FEZ1: variants seen among roughly 807,000 people sequenced by gnomAD.
The protein encoded by FEZ1 is fasciculation and elongation protein zeta 1, also known as fasciculation and elongation protein zeta-1.
A neutral mutation model predicts 49.3 loss-of-function variants in FEZ1; 20 were observed. The observed-to-expected ratio is 0.41, with a 90% CI of 0.29 to 0.59. The LOEUF (loss-of-function observed/expected upper bound fraction) is 0.59. Ranked by LOEUF, FEZ1 falls within the 20% of genes least tolerant of loss-of-function variation. The pLI, the probability that FEZ1 is intolerant of heterozygous loss-of-function variation, is 0.36. For missense variants in FEZ1, 413 were observed against 476.0 expected (o/e 0.87, Z 1.23); for synonymous variants, 170 against 180.9 (o/e 0.94, Z 0.48).
chr11:125,461,501 G>T (rs1957074139), intron 4 of FEZ1, among the ~76,000 whole-genome samples: 1 of 152,138 alleles, frequency 6.6e-6, no homozygotes, highest in Non-Finnish European at 1.5e-5. Flanking sequence ...ATGTTACTTG[G>T]GAGGTTGAGG....
chr11:125,454,478 C>G (rs1490107662), intron 6 of FEZ1: 2 of 328,638 alleles, frequency 6.1e-6, no homozygotes, highest in Non-Finnish European at 1.1e-5. Flanking sequence ...CTTTTATCCT[C>G]CATCATGCAA....
chr11:125,466,309 C>A (rs902329284), intron 3 of FEZ1, among the ~76,000 whole-genome samples: 1 of 151,838 alleles, frequency 6.6e-6, no homozygotes. Flanking sequence ...GGCAAGACTC[C>A]GTCTCTAAAA....
intron 3 of FEZ1, among the ~76,000 whole-genome samples, chr11:125,477,406 G>A (rs1957241952): frequency 6.6e-6 from 1 of 152,084 alleles, no homozygotes; most frequent in Non-Finnish European, 1.5e-5. Flanking sequence ...CTGGGAGGGT[G>A]GGGCAGGAGA....
chr11:125,493,395 A>G (rs1957407832), intron 1 of FEZ1, among the ~76,000 whole-genome samples: 2 of 63,406 alleles, frequency 3.2e-5, no homozygotes, highest in African/African-American at 8.1e-5. Context: ...AGAAAGAAAG[A>G]AAGAAAGAAA....
At chr11:125,490,179 T>C (rs2135788623) in intron 1 of FEZ1, among the ~76,000 whole-genome samples, 1 of 152,278 alleles carries the variant, frequency 6.6e-6, no homozygotes, top group East Asian at 1.9e-4. Context: ...GGTGTTTTAG[T>C]ATTATTATTT....
intron 2 of FEZ1, among the ~76,000 whole-genome samples, chr11:125,487,308 C>A (rs945114077): frequency 1.3e-5 from 2 of 152,146 alleles, no homozygotes; most frequent in African/African-American, 4.8e-5. Context: ...AGGTTCTTTA[C>A]AAGTCCTTAG....
chr11:125,487,744 T>A (rs1957338500), intron 2 of FEZ1, among the ~76,000 whole-genome samples: 1 of 152,242 alleles, frequency 6.6e-6, no homozygotes, highest in Non-Finnish European at 1.5e-5. Context: ...CTAGCTATTA[T>A]CACTCATCTA....
intron 3 of FEZ1, among the ~76,000 whole-genome samples, chr11:125,472,417 A>G (rs1359396193): frequency 2.0e-5 from 3 of 152,084 alleles, no homozygotes; most frequent in Non-Finnish European, 4.4e-5. Flanking sequence ...TGTCAGGAAT[A>G]GAAAAGGGAA....
chr11:125,457,429 AATATAT>A (rs145878447), intron 5 of FEZ1, among the ~76,000 whole-genome samples: 107 of 20,886 alleles, frequency 5.1e-3, no homozygotes, highest in East Asian at 0.015. Flanking sequence ...AAAAAAAAAA[AATATAT>A]ATATATATAT....
chr11:125,482,673 A>G (rs1565302792), intron 2 of FEZ1, among the ~76,000 whole-genome samples: 3 of 152,182 alleles, frequency 2.0e-5, no homozygotes, highest in Non-Finnish European at 4.4e-5. Flanking sequence ...ACCTGAATTA[A>G]TATTAATGAG....
chr11:125,469,266 A>G (rs1437980437), intron 3 of FEZ1: 2 of 152,212 alleles, frequency 1.3e-5, no homozygotes, highest in African/African-American at 4.8e-5. Context: ...CTAGGGCCTC[A>G]CTTTCTTTTT....
intron 6 of FEZ1, 136 bp from the exon 7 acceptor site, chr11:125,454,346 G>T: frequency 1.8e-6 from 1 of 551,652 alleles, no homozygotes. Flanking sequence ...TAAGACACTG[G>T]CTTACAGAGA....
chr11:125,458,345 T>A (rs193242021), intron 5 of FEZ1, among the ~76,000 whole-genome samples: 99 of 152,328 alleles, frequency 6.5e-4, no homozygotes, highest in African/African-American at 2.3e-3. Flanking sequence ...TGGTGAATTG[T>A]TCTGCCTTTG....
rs780871225 is a variant in FEZ1, at chr11:125,463,489, C to T, written c.493G>A (p.Asp165Asn). The change falls in exon 4 of 10, where the codon GAT becomes AAT. Residue 165 changes from aspartate (D) to asparagine (N), a missense_variant. Asp to Asn is a conservative substitution (Grantham distance 23). Coordinates refer to ENST00000278919, the MANE Select transcript of FEZ1 (RefSeq NM_005103.5). ...ACCTGGAGAGATACTTATACCTGAT[C>T]TGCTGTGAGCAGAGGCTCCTCGTTG... ...GINEEPLLTADQVIEEIEEMM... is the reference protein window; with the variant it reads ...GINEEPLLTANQVIEEIEEMM... The T allele has an allele frequency of 2.5e-6, 4 of 1,586,814 alleles. No homozygotes were observed. Among genetic ancestry groups the T allele is most frequent in the Non-Finnish European group, 2.6e-6 (3 of 1,155,246 alleles).
chr11:125,475,087 T>C (rs1957218576), intron 3 of FEZ1, among the ~76,000 whole-genome samples: 1 of 152,052 alleles, frequency 6.6e-6, no homozygotes. Flanking sequence ...CTAGGCAACA[T>C]GGTGAAATCT....
intron 2 of FEZ1, among the ~76,000 whole-genome samples, chr11:125,486,289 A>G (rs1010681877): frequency 9.9e-5 from 15 of 152,224 alleles, no homozygotes; most frequent in Admixed American, 2.6e-4. Context: ...ATCCCCAGTG[A>G]CGTAGGAGGT....
At position 125,459,147 on chromosome 11, in the gene FEZ1, C is replaced by T. The variant is rs565716122; in HGVS notation, c.667+1351G>A. ...TGAGCAGAGGGGCCTAACTCCCTTC[C>T]GACTCCAAATTGCAAAACCTACTCA... On this transcript the variant is annotated intron_variant, in intron 5 of 9. Transcript: ENST00000278919. Among the ~76,000 whole-genome samples the T allele has an allele frequency of 4.6e-5, 7 of 152,244 alleles. No individual in the cohort carries two copies. The South Asian group carries it at 6.2e-4, about 14-fold the overall frequency.
intron 2 of FEZ1, chr11:125,488,670 A>T: frequency 1.1e-6 from 1 of 936,996 alleles, no homozygotes; most frequent in Non-Finnish European, 1.3e-6. Context: ...ATAGAATGAA[A>T]CTTCATCTCA....
Position 125,448,488 on chromosome 11 carries a change from G to A in FEZ1, c.1162+14C>T, listed in dbSNP as rs531271594. 1.9e-6 allele frequency: 3 copies of A among 1,588,574 alleles called. No individual in the cohort carries two copies. In the East Asian group the frequency reaches 6.7e-5, roughly 36 times the overall value. On this transcript the variant is annotated intron_variant, in intron 9 of 9. Coordinates refer to ENST00000278919, the MANE Select transcript of FEZ1 (RefSeq NM_005103.5). ...GAACCCCTTCTGCTCCAGGAGGCCT[G>A]GGGCTGCTCTTACCTTTTAAAATGT...
Sources: allele counts gnomAD v4.1 joint callset (sites outside exome capture counted in the v4.1 genomes callset), GRCh38; gene constraint gnomAD v4.1.1; transcripts MANE v1.5; gene names NCBI Gene and HGNC (gene_info 2026-07-23, HGNC 2026-07-21).